Variants in PCDHGA12 observed in about 807,000 individuals in gnomAD.
PCDHGA12 encodes the protein protocadherin gamma subfamily A, 12, also known as protocadherin gamma-A12.
Under a neutral mutation model 61.1 loss-of-function variants are expected in PCDHGA12, and 43 were observed. That is an observed-to-expected ratio of 0.70 (90% CI 0.55 to 0.91). PCDHGA12 has a LOEUF of 0.91. Ranked by LOEUF, PCDHGA12 falls within the 40% of genes least tolerant of loss-of-function variation. The pLI, the probability that PCDHGA12 is intolerant of heterozygous loss-of-function variation, is 0.00. For synonymous variants in PCDHGA12, 520 were observed against 542.9 expected, an observed-to-expected ratio of 0.96 and a Z score of 0.59; for missense variants, 1,236 against 1,227.7, an observed-to-expected ratio of 1.01 and a Z score of -0.10.
chr5:141,491,450 C>G lies in PCDHGA12; in HGVS notation c.2425-3357C>G. ...CAGTGCTGCAGGCGCCAGGACTCAC[C>G]CTCCCCGGACTTCTATAAGCAGTCC... On this transcript the variant is annotated intron_variant, in intron 1 of 3. Transcript: ENST00000252085. The surrounding 1 kb of genome is among the most constrained non-coding windows in gnomAD (Gnocchi z 6.9). The G allele has an allele frequency of 1.2e-6, 2 of 1,614,110 alleles. No homozygotes were observed. Among genetic ancestry groups the G allele is most frequent in the Non-Finnish European group, 1.7e-6 (2 of 1,180,044 alleles).
chr5:141,457,959 T>C (rs1426112930), intron 1 of PCDHGA12, among the ~76,000 whole-genome samples: 3 of 152,208 alleles, frequency 2.0e-5, no homozygotes, highest in Admixed American at 2.0e-4. Flanking sequence ...CAAGCTTGAT[T>C]CCTTAAAGGG....
intron 2 of PCDHGA12, among the ~76,000 whole-genome samples, chr5:141,498,397 G>A (rs1019408022): frequency 1.3e-5 from 2 of 152,136 alleles, no homozygotes; most frequent in African/African-American, 4.8e-5. Flanking sequence ...GAATGGCAGG[G>A]AGTTTTCTCT....
chr5:141,483,620 A>G (rs192148102), intron 1 of PCDHGA12, among the ~76,000 whole-genome samples: 472 of 151,650 alleles, frequency 3.1e-3, no homozygotes, highest in Non-Finnish European at 5.0e-3. Context: ...CATCATTCCC[A>G]TGGGAGAAGG....
At chr5:141,498,971 G>A (rs866066098) in intron 2 of PCDHGA12, among the ~76,000 whole-genome samples, 16 of 111,052 alleles carry the variant, frequency 1.4e-4, no homozygotes, top group African/African-American at 2.5e-4. Context: ...GAGGGAGGGA[G>A]GGAAGGAAGG....
Position 141,511,039 on chromosome 5 carries a change from C to T in PCDHGA12, c.2665C>T (p.Pro889Ser). 1 of 1,614,196 alleles carries T rather than the reference C, an allele frequency of 6.2e-7. No homozygotes were observed. ...YGPQFTLQHV[P>S]DYRQNVYIPG... ...ACCCCAGTTCACCCTGCAGCACGTGCCCGACTACCGCCAGAATGTCTACAT... is the reference window on the plus strand; with the variant it reads ...ACCCCAGTTCACCCTGCAGCACGTGTCCGACTACCGCCAGAATGTCTACAT... The change falls in exon 4 of 4, where the codon CCC (proline) becomes TCC (serine). Residue 889 changes from proline (P) to serine (S), a missense_variant. Physicochemically the swap from Pro to Ser is moderately conservative, Grantham distance 74. Coordinates refer to ENST00000252085, the MANE Select transcript of PCDHGA12 (RefSeq NM_003735.3).
rs902072815 is a variant in PCDHGA12, at chr5:141,495,024, C to A, written c.2483+159C>A. On this transcript the variant is annotated intron_variant, in intron 2 of 3. Coordinates refer to ENST00000252085, the MANE Select transcript of PCDHGA12 (RefSeq NM_003735.3). ...GGTGTGCGGGGGGCTGGCACACAGACCCCGGAAGGAAGAGGCGACTGCCCT... is the reference window on the plus strand; with the variant it reads ...GGTGTGCGGGGGGCTGGCACACAGAACCCGGAAGGAAGAGGCGACTGCCCT... The A allele has an allele frequency of 1.6e-5, 16 of 973,368 alleles. No homozygotes were observed. In the South Asian group the frequency reaches 5.7e-4, roughly 35 times the overall value. The allele number at this position is 973,368 out of a possible 1,614,324, so 60.3% of individuals were successfully genotyped here. A position where few individuals can be genotyped will look rare whatever the true frequency, so the allele number is the denominator to read the frequency against.
At chr5:141,505,592 A>G in intron 3 of PCDHGA12, 111 bp downstream of exon 3, 1 of 1,567,266 alleles carries the variant, frequency 6.4e-7, no homozygotes. Context: ...GTTTCTCCAG[A>G]TCTTTCGGCA....
chr5:141,503,418 A>G (rs1037754214), intron 2 of PCDHGA12, among the ~76,000 whole-genome samples: 1 of 151,528 alleles, frequency 6.6e-6, no homozygotes, highest in Admixed American at 6.6e-5. Context: ...AATATGGTGA[A>G]ACCCCATCTC....
intron 1 of PCDHGA12, among the ~76,000 whole-genome samples, chr5:141,443,179 A>G (rs2098370392): frequency 6.6e-6 from 1 of 152,190 alleles, no homozygotes; most frequent in South Asian, 2.1e-4. Flanking sequence ...TGTCCACTGC[A>G]TCATTCTCTA....
intron 3 of PCDHGA12, 111 bp from the exon 4 acceptor site, chr5:141,510,836 G>C: frequency 6.3e-7 from 1 of 1,584,882 alleles, no homozygotes; most frequent in African/African-American, 1.3e-5. Flanking sequence ...TGCTCAGCGT[G>C]GTCAAGGCCC....
chr5:141,433,939 A>T (rs1015984226), intron 1 of PCDHGA12, among the ~76,000 whole-genome samples: 2 of 151,714 alleles, frequency 1.3e-5, no homozygotes, highest in Non-Finnish European at 2.9e-5. Context: ...TTATAATTCC[A>T]TTGTTTCTTC....
chr5:141,487,933 A>ACCCTGTG lies in PCDHGA12; in HGVS notation c.2425-6873_2425-6872insCCTGTGC. 1.6e-6 allele frequency: 1 copy of ACCCTGTG among 612,004 alleles called. No individual in the cohort carries two copies. The highest frequency in any genetic ancestry group is 1.8e-5 in the African/African-American group (1 of 54,216). The allele number at this position is 612,004 out of a possible 1,614,324, so 37.9% of individuals were successfully genotyped here. On this transcript the variant is annotated intron_variant, in intron 1 of 3. Coordinates refer to ENST00000252085, the MANE Select transcript of PCDHGA12 (RefSeq NM_003735.3). The surrounding 1 kb of genome is among the most constrained non-coding windows in gnomAD (Gnocchi z 5.0). ...CACAGGAGGCTACAGTGCACAGGGT[A>ACCCTGTG]CAGTGCACCAGGCAGTCACTTGGAC... is the stretch of plus-strand genomic sequence containing the variant.
intron 1 of PCDHGA12, among the ~76,000 whole-genome samples, chr5:141,474,669 C>T (rs983136753): frequency 6.6e-6 from 1 of 152,198 alleles, no homozygotes; most frequent in Non-Finnish European, 1.5e-5. Flanking sequence ...CCTACCTAAC[C>T]TATGTGCCTA....
intron 2 of PCDHGA12, among the ~76,000 whole-genome samples, chr5:141,504,422 T>G (rs1375202110): frequency 6.6e-6 from 1 of 152,078 alleles, no homozygotes; most frequent in Admixed American, 6.6e-5. Context: ...AGACAGGCAC[T>G]ACAACAGCTG....
intron 1 of PCDHGA12, among the ~76,000 whole-genome samples, chr5:141,465,276 C>A (rs558169180): frequency 6.6e-6 from 1 of 152,254 alleles, no homozygotes; most frequent in South Asian, 2.1e-4. Context: ...CCATTTAGTT[C>A]ACCCCTAAAG....
chr5:141,461,389 G>T (rs2099014363), intron 1 of PCDHGA12, among the ~76,000 whole-genome samples: 1 of 152,110 alleles, frequency 6.6e-6, no homozygotes. Context: ...CTGATGATTA[G>T]CGATGTTGAG....
At chr5:141,467,699 T>A (rs1368755814) in intron 1 of PCDHGA12, among the ~76,000 whole-genome samples, 1 of 152,194 alleles carries the variant, frequency 6.6e-6, no homozygotes, top group Non-Finnish European at 1.5e-5. Context: ...TCTGGCTCTG[T>A]TGCCCAGGCT....
At chr5:141,467,643 C>G (rs2099147861) in intron 1 of PCDHGA12, among the ~76,000 whole-genome samples, 1 of 152,112 alleles carries the variant, frequency 6.6e-6, no homozygotes, top group Non-Finnish European at 1.5e-5. Flanking sequence ...TTATCATGTA[C>G]CAAACTTCTA....
chr5:141,440,931 C>G (rs2098213287), intron 1 of PCDHGA12: 1 of 152,186 alleles, frequency 6.6e-6, no homozygotes, highest in Non-Finnish European at 1.5e-5. Context: ...GTGAGGGCCA[C>G]CAACCAGGAC....
Sources: gnomAD v4.1 joint callset for allele counts (sites outside exome capture counted in the v4.1 genomes callset) on GRCh38, gnomAD v4.1.1 for gene constraint, Gnocchi (gnomAD v3.1) non-coding constraint, MANE v1.5 for transcripts, NCBI Gene and HGNC (gene_info 2026-07-23, HGNC 2026-07-21) for gene names.